ZFX: variants seen among roughly 807,000 people sequenced by gnomAD.
ZFX encodes zinc finger X-chromosomal protein.
For missense variants in ZFX, 362 were observed against 628.3 expected, an observed-to-expected ratio of 0.58 and a Z score of 4.53; for synonymous variants, 196 against 226.8, an observed-to-expected ratio of 0.86 and a Z score of 1.22.
chrX:24,163,912 T>G (rs184599404), intron 3 of ZFX, among the ~76,000 whole-genome samples: 87 of 108,572 alleles, frequency 8.0e-4, no homozygotes, highest in Middle Eastern at 4.9e-3. Context: ...ATTTACATTT[T>G]CCGTCACTGT....
At chrX:24,188,833 A>G (rs1485570925) in intron 5 of ZFX, among the ~76,000 whole-genome samples, 2 of 111,421 alleles carry the variant, frequency 1.8e-5, no homozygotes, top group Non-Finnish European at 3.8e-5. Context: ...ATAGTTTGAG[A>G]TAAGTTTGTG....
At position 24,197,002 on chromosome X, in the gene ZFX, T is replaced by G. The variant is rs780531971; in HGVS notation, c.647-10324T>G. Among the ~76,000 whole-genome samples, 11 of 111,213 alleles carry G rather than the reference T, an allele frequency of 9.9e-5. No homozygotes were observed. The South Asian group carries it at 2.6e-3, about 26-fold the overall frequency. Reference sequence around the variant, plus strand: ...GCCACTAGCCACATATTTGGCTAAATAAAGTTGTTAAAATGAATTAAACAT... The same window carrying G: ...GCCACTAGCCACATATTTGGCTAAAGAAAGTTGTTAAAATGAATTAAACAT... On this transcript the variant is annotated intron_variant, in intron 5 of 9. Transcript: ENST00000304543.
At chrX:24,176,003 T>TC in intron 4 of ZFX, among the ~76,000 whole-genome samples, 1 of 111,650 alleles carries the variant, frequency 9.0e-6, no homozygotes, top group African/African-American at 3.3e-5. Flanking sequence ...TTTAAAGCAT[T>TC]TTGTAGAAAT....
chrX:24,209,695 C>G (rs761309531), intron 9 of ZFX, among the ~76,000 whole-genome samples: 56 of 111,139 alleles, frequency 5.0e-4, no homozygotes, highest in African/African-American at 1.6e-3. Context: ...CCTGCCTCAA[C>G]CTTCCAAGCG....
chrX:24,204,138 A>G (rs2238926), intron 5 of ZFX, among the ~76,000 whole-genome samples: 1 of 110,793 alleles, frequency 9.0e-6, no homozygotes, highest in African/African-American at 3.3e-5. Flanking sequence ...GAGTTTGGGA[A>G]TCTTGAACTT....
rs7060434 is a variant in ZFX at position 24,170,090 on chromosome X, A to T, written c.-28-2625A>T. Among the ~76,000 whole-genome samples, 1,028 of 110,487 alleles carry T rather than the reference A, an allele frequency of 9.3e-3. 16 individuals carry two copies. The highest frequency in any genetic ancestry group is 0.031 in the African/African-American group (950 of 30,336). The stretch of plus-strand genomic sequence containing the variant: ...TGCGGTGAGGGGCTTAAATACCTTA[A>T]TGTATCCCCTTTATTGCCTTCTTAA... On this transcript the variant is annotated intron_variant, in intron 3 of 9. Transcript: ENST00000304543.
intron 5 of ZFX, among the ~76,000 whole-genome samples, chrX:24,193,831 A>G (rs891218330): frequency 8.3e-4 from 93 of 111,990 alleles, no homozygotes; most frequent in African/African-American, 2.8e-3. Context: ...ACAATTTACC[A>G]TCTTAACAAT....
chrX:24,206,523 GT>G (rs1937589192), intron 5 of ZFX, among the ~76,000 whole-genome samples: 1 of 96,046 alleles, frequency 1.0e-5, no homozygotes, highest in African/African-American at 4.1e-5. Flanking sequence ...GTGTGTGTGT[GT>G]GTGTGTGTGT....
At chrX:24,198,598 C>G (rs1937084448) in intron 5 of ZFX, among the ~76,000 whole-genome samples, 1 of 109,684 alleles carries the variant, frequency 9.1e-6, no homozygotes, top group Non-Finnish European at 1.9e-5. Context: ...ACTCTATATG[C>G]TGGGCAGTAT....
At chrX:24,183,043 A>G (rs1935806710) in intron 5 of ZFX, among the ~76,000 whole-genome samples, 1 of 112,260 alleles carries the variant, frequency 8.9e-6, no homozygotes, top group Non-Finnish European at 1.9e-5. Flanking sequence ...AGGACTGCAG[A>G]GGCTGGGTGG....
intron 5 of ZFX, among the ~76,000 whole-genome samples, chrX:24,188,619 CT>C (rs1462277187): frequency 7.2e-5 from 8 of 110,983 alleles, no homozygotes; most frequent in Admixed American, 9.7e-5. Flanking sequence ...AACATAAAGG[CT>C]CTTGAACATA....
intron 5 of ZFX, among the ~76,000 whole-genome samples, chrX:24,190,158 G>A (rs929098264): frequency 9.0e-6 from 1 of 111,571 alleles, no homozygotes; most frequent in Admixed American, 9.6e-5. Context: ...ATATGTATGT[G>A]TTGTGGAATG....
intron 5 of ZFX, among the ~76,000 whole-genome samples, chrX:24,189,045 A>G (rs1316911959): frequency 9.0e-6 from 1 of 111,512 alleles, no homozygotes; most frequent in African/African-American, 3.3e-5. Flanking sequence ...CACTGTGTTA[A>G]CCAGGATGGT....
At chrX:24,177,023 C>G (rs1003132400) in intron 4 of ZFX, among the ~76,000 whole-genome samples, 5 of 111,650 alleles carry the variant, frequency 4.5e-5, no homozygotes, top group Non-Finnish European at 9.4e-5. Context: ...ACCTCTGCCT[C>G]TTGGGTTCAA....
intron 4 of ZFX, chrX:24,173,805 G>A: frequency 2.4e-6 from 1 of 422,550 alleles, no homozygotes; most frequent in Middle Eastern, 6.5e-4. Context: ...ACGTTGCCCA[G>A]GCTGGTCTTG....
intron 5 of ZFX, among the ~76,000 whole-genome samples, chrX:24,189,495 C>T (rs981729769): frequency 8.9e-6 from 1 of 111,880 alleles, no homozygotes; most frequent in East Asian, 2.8e-4. Flanking sequence ...TCCAATAAAA[C>T]GTGGTTCAGG....
At chrX:24,209,702 A>G (rs1937920172) in intron 9 of ZFX, among the ~76,000 whole-genome samples, 1 of 110,488 alleles carries the variant, frequency 9.1e-6, no homozygotes, top group South Asian at 3.9e-4. Flanking sequence ...CAACCTTCCA[A>G]GCGGCTAGGA....
At chrX:24,209,435 G>C (rs1263301109) in intron 9 of ZFX, among the ~76,000 whole-genome samples, 1 of 112,256 alleles carries the variant, frequency 8.9e-6, no homozygotes, top group East Asian at 2.8e-4. Flanking sequence ...TCCTATTCTT[G>C]TATGATGATT....
At chrX:24,171,959 A>G (rs1445707723) in intron 3 of ZFX, among the ~76,000 whole-genome samples, 4 of 110,739 alleles carry the variant, frequency 3.6e-5, no homozygotes, top group Non-Finnish European at 7.6e-5. Flanking sequence ...AGACAGACAG[A>G]CACTGATTCT....
Sources: gnomAD v4.1 joint callset for allele counts (sites outside exome capture counted in the v4.1 genomes callset) on GRCh38, gnomAD v4.1.1 for gene constraint, MANE v1.5 for transcripts, NCBI Gene and HGNC (gene_info 2026-07-23, HGNC 2026-07-21) for gene names.